GABRD: variants seen among roughly 807,000 people sequenced by gnomAD.
The protein encoded by GABRD is gamma-aminobutyric acid receptor subunit delta.
A neutral mutation model predicts 47.3 loss-of-function variants in GABRD; 25 were observed. The ratio of observed to expected loss-of-function variants is 0.53; its 90% CI spans 0.39 to 0.74. The LOEUF is 0.74. GABRD is among the 30% of genes least tolerant of loss of function. The probability of loss-of-function intolerance (pLI) is 0.00; values close to 1 mark genes in which losing one functional copy is unlikely to be tolerated. For synonymous variants in GABRD, 314 were observed against 278.8 expected (o/e 1.13, Z -1.26); for missense variants, 497 against 643.4 (o/e 0.77, Z 2.46).
intron 7 of GABRD, 91 bp downstream of exon 7, chr1:2,029,357 C>T (rs1659020085): frequency 6.8e-7 from 1 of 1,466,252 alleles, no homozygotes; most frequent in Middle Eastern, 2.2e-4. Context: ...TCAGCACTGG[C>T]CTCTGGACCA....
chr1:2,022,626 A>C (rs570957758), intron 1 of GABRD, among the ~76,000 whole-genome samples: 2 of 152,254 alleles, frequency 1.3e-5, no homozygotes, highest in African/African-American at 2.4e-5. Flanking sequence ...ATAAAGCCTC[A>C]CTAGAGCCCT....
rs985796653 is a variant in GABRD, at chr1:2,029,320, A to G, written c.847+54A>G. 2.6e-5 allele frequency: 39 copies of G among 1,520,850 alleles called. No homozygotes were observed. In the South Asian group the frequency reaches 4.3e-4, roughly 17 times the overall value. The allele number at this position is 1,520,850 out of a possible 1,614,324, so 94.2% of individuals were successfully genotyped here. On this transcript the variant is annotated intron_variant, in intron 7 of 8. Coordinates refer to ENST00000378585, the MANE Select transcript of GABRD (RefSeq NM_000815.5). The stretch of plus-strand genomic sequence containing the variant: ...AGCTGGAAGGGCGGCCCTGGGGAAC[A>G]GGACTCCCCATCCCTCGGCTGGGGG...
At chr1:2,026,155 C>A (rs934400318) in intron 4 of GABRD, among the ~76,000 whole-genome samples, 13 of 152,380 alleles carry the variant, frequency 8.5e-5, no homozygotes, top group African/African-American at 3.1e-4. Context: ...CTCCACTCCG[C>A]CCTCCCTGGA....
At position 2,025,442 on chromosome 1, in the gene GABRD, C is replaced by A. The variant is rs752680558; in HGVS notation, c.249+41C>A. The A allele has an allele frequency of 5.6e-6, 9 of 1,612,146 alleles. No homozygotes were observed. In the East Asian group the frequency reaches 1.8e-4, roughly 32 times the overall value. On this transcript the variant is annotated intron_variant, in intron 3 of 8. Transcript: ENST00000378585. ...CTCTGCCTCAGGCACGGTGGGTGCC[C>A]ACAGCCTCTGCCCTGGGCTGCATGC...
rs1658997617 is a variant in GABRD at position 2,028,614 on chromosome 1, G to A, written c.691+322G>A. On this transcript the variant is annotated intron_variant, in intron 6 of 8. Transcript: ENST00000378585. The surrounding 1 kb of genome is among the most constrained non-coding windows in gnomAD (Gnocchi z 6.4). ...CACTCCAGATTTATGGGAAACCAGA[G>A]GGTGTGGGGAGCTCTCTTAGCCCCA... is the stretch of plus-strand genomic sequence containing the variant. 2.0e-5 allele frequency among the ~76,000 whole-genome samples: 3 copies of A among 152,186 alleles called. No individual in the cohort carries two copies. In the South Asian group the frequency reaches 6.2e-4, roughly 31 times the overall value.
At chr1:2,029,081 T>TG in intron 6 of GABRD, 30 bp from the exon 7 acceptor site, 1 of 1,537,784 alleles carries the variant, frequency 6.5e-7, no homozygotes, top group South Asian at 1.2e-5. Context: ...TGGGCAGGGA[T>TG]GGGGGCACTG....
rs987988338 is a variant in GABRD at position 2,027,557 on chromosome 1, T to C, written c.471-20T>C. The C allele has an allele frequency of 1.2e-6, 2 of 1,609,298 alleles. No individual in the cohort carries two copies. The highest frequency in any genetic ancestry group is 1.1e-5 in the South Asian group (1 of 90,334). ...GCTGGCCTCACCCCCAAGGCCTCAC[T>C]GCCATGCTTGTCTTGGCAGAATCAC... On this transcript the variant is annotated intron_variant, in intron 4 of 8. Coordinates refer to ENST00000378585, the MANE Select transcript of GABRD (RefSeq NM_000815.5).
rs1328330075 is a variant in GABRD, at chr1:2,020,151, A to T, written c.68+660A>T. Among the ~76,000 whole-genome samples, 5 of 152,294 alleles carry T rather than the reference A, an allele frequency of 3.3e-5. No homozygotes were observed. The South Asian group carries it at 1.0e-3, about 32-fold the overall frequency. ...TTGGGAGGGACTCCCCAGAGAAGGA[A>T]GAGGCTGAGAAGGAGGCCCCCCGGG... is the stretch of plus-strand genomic sequence containing the variant. On this transcript the variant is annotated intron_variant, in intron 1 of 8. Coordinates refer to ENST00000378585, the MANE Select transcript of GABRD (RefSeq NM_000815.5).
chr1:2,025,227 C>A, intron 2 of GABRD, 107 bp from the exon 3 acceptor site: 1 of 1,406,090 alleles, frequency 7.1e-7, no homozygotes, highest in Non-Finnish European at 1.0e-6. Flanking sequence ...TGCAGCTTCT[C>A]AGGCCATGAT....
chr1:2,029,839 G>A, intron 8 of GABRD, 77 bp downstream of exon 8: 1 of 1,519,428 alleles, frequency 6.6e-7, no homozygotes, highest in South Asian at 1.1e-5. Flanking sequence ...CCAGCCCACT[G>A]TGGGTCCCAG....
intron 4 of GABRD, among the ~76,000 whole-genome samples, chr1:2,026,189 T>C (rs556447938): frequency 6.6e-6 from 1 of 152,276 alleles, no homozygotes; most frequent in East Asian, 1.9e-4. Flanking sequence ...CCCGCTTGCT[T>C]TCTGTCTCTG....
intron 4 of GABRD, 167 bp downstream of exon 4, chr1:2,025,905 C>T (rs1658913559): frequency 1.6e-6 from 1 of 619,446 alleles, no homozygotes; most frequent in Non-Finnish European, 2.8e-6. Context: ...TCCCCCGCAG[C>T]TGCTGGGGAA....
At chr1:2,020,519 G>C (rs760787802) in intron 1 of GABRD, among the ~76,000 whole-genome samples, 1 of 152,252 alleles carries the variant, frequency 6.6e-6, no homozygotes, top group Non-Finnish European at 1.5e-5. Context: ...GAAGGCCTGG[G>C]TCCAGCTGCA....
intron 1 of GABRD, among the ~76,000 whole-genome samples, chr1:2,019,709 T>G (rs1007233578): frequency 3.8e-4 from 58 of 151,908 alleles, no homozygotes; most frequent in African/African-American, 1.4e-3. Flanking sequence ...ACCCCCGCGC[T>G]GGCCGCCCCC....
Position 2,019,501 on chromosome 1 carries a change from C to T in GABRD, c.68+10C>T, listed in dbSNP as rs994082959. On this transcript the variant is annotated intron_variant, in intron 1 of 8. Transcript: ENST00000378585. ...AGCTCCGCGGCACCAGGTGAGCGGG[C>T]GGGGTCCGCGCGGCGCGGGGTCGGG... The T allele has an allele frequency of 1.3e-4, 57 of 437,388 alleles. No individual in the cohort carries two copies. The highest frequency in any genetic ancestry group is 9.6e-4 in the Middle Eastern group (1 of 1,038). 27.1% of individuals were successfully genotyped at this position (437,388 alleles called of 1,614,324 possible).
intron 1 of GABRD, chr1:2,024,639 G>C (rs968893398): frequency 8.7e-6 from 2 of 228,976 alleles, no homozygotes; most frequent in Non-Finnish European, 1.7e-5. Context: ...CTTGGCCCAC[G>C]CTGGGGGGCT....
At position 2,030,252 on chromosome 1, in the gene GABRD, T is replaced by C. The variant is rs749884549; in HGVS notation, c.1329T>C (p.Asn443=). 6.4e-7 allele frequency: 1 copy of C among 1,558,594 alleles called. No individual in the cohort carries two copies. Among genetic ancestry groups the C allele is most frequent in the Non-Finnish European group, 8.7e-7 (1 of 1,148,348 alleles). The part of the protein sequence containing the change: ...AVFPAAFAAV[N]VIYWAAYAM ...TCCCTGCGGCGTTTGCGGCCGTCAA[T>C]GTCATCTACTGGGCGGCATACGCCA... The change falls in exon 9 of 9, where the codon AAT becomes AAC. Residue 443 remains asparagine (N), a synonymous_variant. Coordinates refer to ENST00000378585, the MANE Select transcript of GABRD (RefSeq NM_000815.5).
Position 2,025,000 on chromosome 1 carries a change from A to G in GABRD, c.127A>G (p.Asn43Asp). 6.2e-7 allele frequency: 1 copy of G among 1,612,906 alleles called. No individual in the cohort carries two copies. Among genetic ancestry groups the G allele is most frequent in the East Asian group, 2.2e-5 (1 of 44,886 alleles). The change falls in exon 2 of 9, where the codon AAC (asparagine) becomes GAC (aspartate). Residue 43 changes from asparagine to aspartate, a missense_variant. By Grantham distance (23) the Asn-to-Asp change is conservative. This residue lies in a region of GABRD where 91 missense variants were observed against 85.5 expected (regional missense o/e 1.06). Transcript: ENST00000378585. ...GSNLEISWLP[N>D]LDGLIAGYAR... The stretch of plus-strand genomic sequence containing the variant: ...CAACCTGGAGATCTCCTGGCTCCCC[A>G]ACCTGGACGGGCTGATAGCCGGCTA...
At position 2,024,950 on chromosome 1, in the gene GABRD, A is replaced by G; in HGVS notation, c.77A>G (p.Asn26Ser). The G allele has an allele frequency of 6.2e-7, 1 of 1,611,508 alleles. No individual in the cohort carries two copies. The highest frequency in any genetic ancestry group is 8.5e-7 in the Non-Finnish European group (1 of 1,178,528). The change falls in exon 2 of 9, where the codon AAT becomes AGT. Residue 26 changes from asparagine to serine, a missense_variant. Asn to Ser is a conservative substitution (Grantham distance 46, BLOSUM62 1). Transcript: ENST00000378585. ...AQQLRGTRAM[N>S]DIGDYVGSNL... ...TGGCTTTGCATCCCCAGAGCGATGA[A>G]TGACATCGGCGACTACGTGGGCTCC...
Sources: allele counts gnomAD v4.1 joint callset (sites outside exome capture counted in the v4.1 genomes callset), GRCh38; gene constraint gnomAD v4.1.1; regional missense constraint gnomAD v4.1.1; non-coding constraint Gnocchi (gnomAD v3.1); transcripts MANE v1.5; gene names NCBI Gene and HGNC (gene_info 2026-07-23, HGNC 2026-07-21).